The following OR51B5 variants were observed in gnomAD, a reference collection of about 807,000 sequenced individuals.
The protein encoded by OR51B5 is olfactory receptor 51B5.
For synonymous variants in OR51B5, 186 were observed against 144.8 expected (o/e 1.28, Z -2.04); for missense variants, 456 against 374.6 (o/e 1.22, Z -1.79).
chr11:5,422,882 T>C (rs773726457), intron 1 of OR51B5: 17 of 1,614,044 alleles, frequency 1.1e-5, no homozygotes, highest in Non-Finnish European at 1.4e-5. Context: ...GAAAAATATC[T>C]TGGGCACAGC....
chr11:5,413,030 C>T (rs1402712936), intron 1 of OR51B5, among the ~76,000 whole-genome samples: 1 of 51,366 alleles, frequency 1.9e-5, no homozygotes, highest in Non-Finnish European at 6.3e-5. Context: ...TACTGGGAGG[C>T]ACCCCCCAGT....
intron 1 of OR51B5, among the ~76,000 whole-genome samples, chr11:5,499,828 C>T (rs1048571527): frequency 6.6e-6 from 1 of 152,210 alleles, no homozygotes; most frequent in African/African-American, 2.4e-5. Context: ...CTTGCCCTCA[C>T]CACCCACTGC....
intron 1 of OR51B5, among the ~76,000 whole-genome samples, chr11:5,464,538 T>C (rs1330636178): frequency 1.3e-5 from 2 of 150,986 alleles, no homozygotes; most frequent in South Asian, 2.1e-4. Context: ...TATGTGGTGT[T>C]TGGTTTTTTG....
intron 1 of OR51B5, among the ~76,000 whole-genome samples, chr11:5,464,435 C>CG (rs1851105750): frequency 7.3e-6 from 1 of 136,244 alleles, no homozygotes; most frequent in Non-Finnish European, 1.6e-5. Flanking sequence ...CTATCCCTCC[C>CG]CCCCACCCAC....
At chr11:5,410,347 C>CTTCTATCT (rs1850127676) in intron 1 of OR51B5, among the ~76,000 whole-genome samples, 1 of 152,056 alleles carries the variant, frequency 6.6e-6, no homozygotes, top group Non-Finnish European at 1.5e-5. Context: ...AAGTTCTGAG[C>CTTCTATCT]TTCTATCTAG....
chr11:5,397,506 A>G (rs1284727480), intron 1 of OR51B5, among the ~76,000 whole-genome samples: 4 of 151,230 alleles, frequency 2.6e-5, no homozygotes, highest in African/African-American at 4.8e-5. Context: ...ATGAGATACC[A>G]TCTCACACCA....
upstream of OR51B5, among the ~76,000 whole-genome samples, chr11:5,347,771 AGGGAGAGAG>A (rs1564914159): frequency 6.6e-6 from 1 of 151,962 alleles, no homozygotes; most frequent in Non-Finnish European, 1.5e-5. Context: ...GGAAGGAGGT[AGGGAGAGAG>A]GGAAGAGAGG....
At chr11:5,464,128 T>C (rs1851097157) in intron 1 of OR51B5, among the ~76,000 whole-genome samples, 1 of 152,230 alleles carries the variant, frequency 6.6e-6, no homozygotes, top group African/African-American at 2.4e-5. Flanking sequence ...CTAAACCTAA[T>C]GTCTCTGACT....
At chr11:5,409,220 G>A (rs1909259) in intron 1 of OR51B5, among the ~76,000 whole-genome samples, 123,644 of 152,094 alleles carry the variant, frequency 0.81, 51,307 homozygotes, top group Non-Finnish European at 0.89. Context: ...TCAGATTCTG[G>A]AGAGTGGAGA....
At chr11:5,380,975 C>T (rs1016885985) in intron 1 of OR51B5, among the ~76,000 whole-genome samples, 22 of 152,064 alleles carry the variant, frequency 1.4e-4, no homozygotes, top group African/African-American at 5.1e-4. Context: ...TGTGTACAGA[C>T]CTTGGGGATT....
chr11:5,479,789 A>T (rs1851385827), intron 1 of OR51B5, among the ~76,000 whole-genome samples: 1 of 144,940 alleles, frequency 6.9e-6, no homozygotes, highest in African/African-American at 2.6e-5. Flanking sequence ...TGGTAAAGGG[A>T]TCAATTCAAC....
intron 1 of OR51B5, chr11:5,389,230 T>C: frequency 5.7e-6 from 4 of 696,784 alleles, no homozygotes; most frequent in Admixed American, 5.3e-5. Flanking sequence ...GGCGAGGTTA[T>C]CAAAGAAAGT....
intron 1 of OR51B5, among the ~76,000 whole-genome samples, chr11:5,437,243 A>G (rs1250780616): frequency 6.6e-6 from 1 of 152,154 alleles, no homozygotes; most frequent in Non-Finnish European, 1.5e-5. Flanking sequence ...TCAAAAGTGC[A>G]ACTCTGTGCT....
chr11:5,435,751 C>G (rs1001440825), intron 1 of OR51B5, among the ~76,000 whole-genome samples: 1 of 152,116 alleles, frequency 6.6e-6, no homozygotes, highest in African/African-American at 2.4e-5. Context: ...AATCAATAGT[C>G]CAGTGTAATA....
At chr11:5,411,413 G>T (rs4910785) in intron 1 of OR51B5, among the ~76,000 whole-genome samples, 123,606 of 152,088 alleles carry the variant, frequency 0.81, 51,264 homozygotes, top group Non-Finnish European at 0.89. Context: ...GTATGATGTT[G>T]GCACAACTAC....
chr11:5,381,697 T>G (rs943519397), intron 1 of OR51B5, among the ~76,000 whole-genome samples: 2 of 151,584 alleles, frequency 1.3e-5, no homozygotes, highest in Non-Finnish European at 3.0e-5. Flanking sequence ...TCAGTCACAC[T>G]TCAAAGAGGA....
chr11:5,350,684 T>C (rs1273116768), intron 1 of OR51B5, among the ~76,000 whole-genome samples: 2 of 152,226 alleles, frequency 1.3e-5, no homozygotes, highest in African/African-American at 4.8e-5. Context: ...GGTGCTATTA[T>C]CAATTAGTGC....
At chr11:5,505,251 T>A (rs1004714019) in intron 1 of OR51B5, 5 of 1,198,200 alleles carry the variant, frequency 4.2e-6, no homozygotes, top group Non-Finnish European at 5.4e-6. Context: ...TGCTATTAGG[T>A]TTTTTGTTTT....
chr11:5,463,923 C>G (rs758183996), intron 1 of OR51B5, among the ~76,000 whole-genome samples: 2 of 152,202 alleles, frequency 1.3e-5, no homozygotes, highest in African/African-American at 4.8e-5. Context: ...ACTGTGAGGG[C>G]AGTGTGTTAC....
Sources: gnomAD v4.1 joint callset for allele counts (sites outside exome capture counted in the v4.1 genomes callset) on GRCh38, gnomAD v4.1.1 for gene constraint, MANE v1.5 for transcripts, NCBI Gene and HGNC (gene_info 2026-07-23, HGNC 2026-07-21) for gene names.